TRAF2: variants seen among roughly 807,000 people sequenced by gnomAD.
TRAF2 encodes TNF receptor-associated factor 2.
Under a neutral mutation model 55.6 loss-of-function variants are expected in TRAF2, and 6 were observed. That is an observed-to-expected ratio of 0.11 (90% CI 0.06 to 0.21). The LOEUF is 0.21. Among genes scored for constraint, TRAF2 ranks in the 10% least tolerant of loss-of-function variants. The pLI is 1.00. For synonymous variants in TRAF2, 329 were observed against 276.3 expected, an observed-to-expected ratio of 1.19 and a Z score of -1.89; for missense variants, 561 against 684.5, an observed-to-expected ratio of 0.82 and a Z score of 2.01.
intron 1 of TRAF2, among the ~76,000 whole-genome samples, chr9:136,894,041 C>T (rs1156904531): frequency 7.5e-6 from 1 of 133,344 alleles, no homozygotes; most frequent in African/African-American, 2.9e-5. Flanking sequence ...AGCCACTGCG[C>T]CTGGCCTTTT....
chr9:136,899,608 A>T lies in TRAF2; in HGVS notation c.203A>T (p.Asn68Ile). Residue 68 changes from asparagine to isoleucine, a missense_variant, in exon 3 of 11, where the codon AAC (asparagine) becomes ATC (isoleucine). Coordinates refer to ENST00000247668, the MANE Select transcript of TRAF2 (RefSeq NM_021138.4). ...LASILSSGPQNCAACVHEGIY... is the reference protein window; with the variant it reads ...LASILSSGPQICAACVHEGIY... ...TTCCCCACTAGCTCTGGGCCTCAGA[A>T]CTGTGCTGCCTGTGTTCACGAGGGC... The T allele has an allele frequency of 6.2e-7, 1 of 1,612,710 alleles. No individual in the cohort carries two copies. The highest frequency in any genetic ancestry group is 8.5e-7 in the Non-Finnish European group (1 of 1,178,946).
At chr9:136,905,428 G>A (rs376123764) in intron 4 of TRAF2, among the ~76,000 whole-genome samples, 13 of 152,312 alleles carry the variant, frequency 8.5e-5, no homozygotes, top group East Asian at 5.8e-4. Flanking sequence ...AGATGGTGCT[G>A]GGGGCTGGAG....
chr9:136,892,132 A>C (rs542036802), intron 1 of TRAF2, among the ~76,000 whole-genome samples: 1 of 152,102 alleles, frequency 6.6e-6, no homozygotes, highest in Non-Finnish European at 1.5e-5. Context: ...CCTATTTAAC[A>C]TCTTATAATA....
At chr9:136,894,462 C>T (rs752370546) in intron 1 of TRAF2, among the ~76,000 whole-genome samples, 5 of 152,046 alleles carry the variant, frequency 3.3e-5, no homozygotes, top group Non-Finnish European at 5.9e-5. Flanking sequence ...TTGTCCTGGG[C>T]GCAGGCTTCT....
rs987902531 is a variant in TRAF2 at position 136,904,161 on chromosome 9, T to C, written c.366+3641T>C. Among the ~76,000 whole-genome samples, 3 of 152,364 alleles carry C rather than the reference T, an allele frequency of 2.0e-5. No homozygotes were observed. The South Asian group carries it at 6.2e-4, about 32-fold the overall frequency. ...ACATTTTTTTCTTTTCTGGCTTATT[T>C]TAAAGCAAATGAAGATGTCATATCA... On this transcript the variant is annotated intron_variant, in intron 4 of 10. Transcript: ENST00000247668.
intron 9 of TRAF2, among the ~76,000 whole-genome samples, chr9:136,921,916 A>G (rs373487863): frequency 2.0e-5 from 3 of 152,098 alleles, no homozygotes; most frequent in Non-Finnish European, 2.9e-5. Context: ...CTCGGCCCCA[A>G]CTCAGTCACT....
intron 6 of TRAF2, among the ~76,000 whole-genome samples, chr9:136,912,403 A>G (rs1850136864): frequency 7.5e-6 from 1 of 132,914 alleles, no homozygotes; most frequent in Non-Finnish European, 1.6e-5. Context: ...CTGGTGGTCC[A>G]CCCATCTCGG....
In TRAF2 at chr9:136,926,159, G is replaced by T; in HGVS notation, c.*258G>T. ...GTGGTGGCATTGGCCGAGGGTCTTCGGGTGCTTCCCAGCACAAGCTGCCCT... is the reference window on the plus strand; with the variant it reads ...GTGGTGGCATTGGCCGAGGGTCTTCTGGTGCTTCCCAGCACAAGCTGCCCT... On this transcript the variant is annotated 3_prime_UTR_variant, in exon 11 of 11. Transcript: ENST00000247668. The T allele has an allele frequency of 4.6e-6, 3 of 655,312 alleles. No individual in the cohort carries two copies. The highest frequency in any genetic ancestry group is 5.8e-5 in the East Asian group (2 of 34,314). The allele number at this position is 655,312 out of a possible 1,614,324, so 40.6% of individuals were successfully genotyped here.
Position 136,925,979 on chromosome 9 carries a change from G to A in TRAF2, c.*78G>A. 5 of 1,549,528 alleles carry A rather than the reference G, an allele frequency of 3.2e-6. No homozygotes were observed. The highest frequency in any genetic ancestry group is 4.4e-6 in the Non-Finnish European group (5 of 1,129,224). ...CGGAGGGGCCACCACGCTGGGCCAG[G>A]GTCTCACTGTACAAGTGGGCAGGGG... On this transcript the variant is annotated 3_prime_UTR_variant, in exon 11 of 11. Transcript: ENST00000247668.
intron 4 of TRAF2, among the ~76,000 whole-genome samples, chr9:136,902,814 C>CT (rs1370034951): frequency 6.6e-6 from 1 of 152,182 alleles, no homozygotes; most frequent in Non-Finnish European, 1.5e-5. Context: ...GAGTGTGCTG[C>CT]TAGTTGGGGC....
At chr9:136,897,700 C>T (rs1441275178) in intron 1 of TRAF2, among the ~76,000 whole-genome samples, 1 of 139,946 alleles carries the variant, frequency 7.1e-6, no homozygotes, top group Non-Finnish European at 1.5e-5. Flanking sequence ...AAAGGGAATG[C>T]ACTAGGCAGC....
chr9:136,904,376 C>T (rs1340804478), intron 4 of TRAF2, among the ~76,000 whole-genome samples: 6 of 151,726 alleles, frequency 4.0e-5, no homozygotes, highest in African/African-American at 1.5e-4. Flanking sequence ...GGCCATTTTA[C>T]TATGTTTTAA....
chr9:136,884,577 GAC>G (rs72205060), upstream of TRAF2, among the ~76,000 whole-genome samples: 115,106 of 151,500 alleles, frequency 0.76, 43,955 homozygotes, highest in East Asian at 0.87. Flanking sequence ...AAAAAAAAGA[GAC>G]AGGGTCTCAC....
At chr9:136,883,359 T>G (rs925105786), upstream of TRAF2, among the ~76,000 whole-genome samples, 1 of 152,166 alleles carries the variant, frequency 6.6e-6, no homozygotes, top group Non-Finnish European at 1.5e-5. Context: ...TTTCTGGACT[T>G]GGGGTGGGGC....
At position 136,921,235 on chromosome 9, in the gene TRAF2, A is replaced by T. The variant is rs200338971; in HGVS notation, c.1138+20A>T. ...CCCCAGGTGTGGTTCTAGGACCCCC[A>T]CCTCACTGCAGCTGCTGTTTACTTG... On this transcript the variant is annotated intron_variant, in intron 9 of 10. Coordinates refer to ENST00000247668, the MANE Select transcript of TRAF2 (RefSeq NM_021138.4). The T allele has an allele frequency of 6.2e-6, 10 of 1,612,300 alleles. 1 individual carries two copies. In the South Asian group the frequency reaches 9.9e-5, roughly 16 times the overall value.
At chr9:136,888,196 T>G (rs1849496976) in intron 1 of TRAF2, among the ~76,000 whole-genome samples, 1 of 152,190 alleles carries the variant, frequency 6.6e-6, no homozygotes, top group African/African-American at 2.4e-5. Context: ...TAAAGTTAAC[T>G]TCTAGTATTT....
chr9:136,924,515 T>A (rs1167727960), intron 10 of TRAF2, among the ~76,000 whole-genome samples: 5 of 151,026 alleles, frequency 3.3e-5, no homozygotes, highest in African/African-American at 1.2e-4. Flanking sequence ...TGAGCCGAGA[T>A]CACGCTACTG....
upstream of TRAF2, among the ~76,000 whole-genome samples, chr9:136,884,709 A>G (rs530539031): frequency 6.6e-6 from 1 of 152,324 alleles, no homozygotes; most frequent in Admixed American, 6.5e-5. Flanking sequence ...GGTGTGCAGC[A>G]CCACACCCAG....
chr9:136,905,245 C>T (rs1255960689), intron 4 of TRAF2, among the ~76,000 whole-genome samples: 2 of 152,238 alleles, frequency 1.3e-5, no homozygotes, highest in African/African-American at 4.8e-5. Context: ...GAACCTTCCT[C>T]TCAGCACATT....
Sources: allele counts gnomAD v4.1 joint callset (sites outside exome capture counted in the v4.1 genomes callset), GRCh38; gene constraint gnomAD v4.1.1; transcripts MANE v1.5; gene names NCBI Gene and HGNC (gene_info 2026-07-23, HGNC 2026-07-21).